The following GABRB1 variants were observed in gnomAD, a reference collection of about 807,000 sequenced individuals.
The protein encoded by GABRB1 is gamma-aminobutyric acid type A receptor subunit beta1.
Under a neutral mutation model 51.6 loss-of-function variants are expected in GABRB1, and 17 were observed. That is an observed-to-expected ratio of 0.33 (90% confidence interval 0.23 to 0.49). GABRB1 has a LOEUF of 0.49. Ranked by LOEUF, GABRB1 falls within the 20% of genes least tolerant of loss-of-function variation. The probability of loss-of-function intolerance (pLI) is 0.99; values close to 1 mark genes in which losing one functional copy is unlikely to be tolerated. For synonymous variants in GABRB1, 247 were observed against 218.9 expected (o/e 1.13, Z -1.14); for missense variants, 410 against 600.6 (o/e 0.68, Z 3.32).
upstream of GABRB1, among the ~76,000 whole-genome samples, chr4:47,026,888 A>AT (rs1725112083): frequency 6.6e-6 from 1 of 152,044 alleles, no homozygotes; most frequent in Non-Finnish European, 1.5e-5. Flanking sequence ...AAAGAATGTA[A>AT]ACTGTCATTA....
At chr4:47,188,412 G>A (rs1261154342) in intron 4 of GABRB1, among the ~76,000 whole-genome samples, 1 of 151,690 alleles carries the variant, frequency 6.6e-6, no homozygotes, top group Non-Finnish European at 1.5e-5. Context: ...ATATGTTTTG[G>A]GTTGATTTTT....
At chr4:47,320,335 G>A (rs1303551338) in intron 5 of GABRB1, 126 bp downstream of exon 5, 4 of 688,238 alleles carry the variant, frequency 5.8e-6, no homozygotes, top group Non-Finnish European at 1.0e-5. Flanking sequence ...TTTTCAAAGG[G>A]TTTATATTGG....
intron 5 of GABRB1, among the ~76,000 whole-genome samples, chr4:47,339,852 CACA>C (rs1560340922): frequency 1.3e-5 from 2 of 151,868 alleles, no homozygotes; most frequent in African/African-American, 4.8e-5. Flanking sequence ...CACACACACA[CACA>C]CCCCACTTTG....
intron 5 of GABRB1, among the ~76,000 whole-genome samples, chr4:47,377,794 C>T (rs1430117753): frequency 6.6e-6 from 1 of 152,116 alleles, no homozygotes; most frequent in Non-Finnish European, 1.5e-5. Context: ...AAGTCCCCAC[C>T]AGAGTAGCTA....
chr4:47,333,651 G>T (rs1725585373), intron 5 of GABRB1, among the ~76,000 whole-genome samples: 1 of 152,138 alleles, frequency 6.6e-6, no homozygotes, highest in African/African-American at 2.4e-5. Flanking sequence ...GGAAATGGAG[G>T]TTGCAGTGAG....
chr4:47,009,310 T>C (rs967396627), intron 1 of GABRB1, among the ~76,000 whole-genome samples: 1 of 151,758 alleles, frequency 6.6e-6, no homozygotes, highest in Non-Finnish European at 1.5e-5. Context: ...AACATCACAT[T>C]TACCACACAA....
Position 47,078,400 on chromosome 4 carries a change from C to T in GABRB1, c.240+45916C>T, listed in dbSNP as rs148866070. ...CCTTTATATGTTTCACTTAACCCCA[C>T]GTCCTTTCCATCCAAAATGTCACCT... On this transcript the variant is annotated intron_variant, in intron 3 of 8. Transcript: ENST00000295454. Among the ~76,000 whole-genome samples the T allele has an allele frequency of 2.8e-3, 426 of 152,268 alleles. 1 individual carries two copies. The highest frequency in any genetic ancestry group is 9.6e-3 in the African/African-American group (398 of 41,556).
At chr4:47,203,346 C>T (rs1399385663) in intron 4 of GABRB1, among the ~76,000 whole-genome samples, 1 of 152,126 alleles carries the variant, frequency 6.6e-6, no homozygotes, top group Non-Finnish European at 1.5e-5. Context: ...TGATGTTTCA[C>T]ATTCATCGGT....
intron 8 of GABRB1, among the ~76,000 whole-genome samples, chr4:47,410,593 C>A (rs966018863): frequency 1.3e-5 from 2 of 152,148 alleles, no homozygotes; most frequent in Non-Finnish European, 2.9e-5. Flanking sequence ...AAGTGAGCCA[C>A]AACAGAAACT....
chr4:47,011,749 T>C (rs542899509), intron 1 of GABRB1, among the ~76,000 whole-genome samples: 2 of 152,318 alleles, frequency 1.3e-5, no homozygotes, highest in Admixed American at 6.5e-5. Flanking sequence ...ACTTCCCCTT[T>C]TCAAGCTTTA....
chr4:47,296,449 G>A (rs1245885523), intron 4 of GABRB1, among the ~76,000 whole-genome samples: 4 of 151,978 alleles, frequency 2.6e-5, no homozygotes, highest in Non-Finnish European at 5.9e-5. Flanking sequence ...AAAAGGCAGG[G>A]GTTGCAATCC....
intron 5 of GABRB1, among the ~76,000 whole-genome samples, chr4:47,398,559 G>C (rs4995571): frequency 1.3e-5 from 2 of 149,096 alleles, no homozygotes; most frequent in African/African-American, 2.5e-5. Context: ...CATATATATA[G>C]AGAGAGAGAG....
intron 4 of GABRB1, among the ~76,000 whole-genome samples, chr4:47,264,279 C>T (rs141552438): frequency 1.5e-4 from 23 of 152,260 alleles, no homozygotes; most frequent in Non-Finnish European, 2.8e-4. Flanking sequence ...AGCAACTATC[C>T]TTCCCCCACC....
chr4:47,039,724 T>C, intron 3 of GABRB1, among the ~76,000 whole-genome samples: 1 of 152,166 alleles, frequency 6.6e-6, no homozygotes, highest in East Asian at 1.9e-4. Flanking sequence ...CCTATATACA[T>C]TTCCACACAG....
At position 47,164,669 on chromosome 4, in the gene GABRB1, A is replaced by C. The variant is rs76364117; in HGVS notation, c.461+3200A>C. 7.8e-4 allele frequency among the ~76,000 whole-genome samples: 118 copies of C among 152,228 alleles called. 2 individuals carry two copies. In the East Asian group the frequency reaches 0.02, roughly 25 times the overall value. On this transcript the variant is annotated intron_variant, in intron 4 of 8. Coordinates refer to ENST00000295454, the MANE Select transcript of GABRB1 (RefSeq NM_000812.4). ...CAAAATCAATTTGTTGCTATATTCA[A>C]ACTCGGTAAGCTCAATATGAGATAC...
chr4:47,099,426 A>G (rs1050526769), intron 3 of GABRB1, among the ~76,000 whole-genome samples: 1 of 152,130 alleles, frequency 6.6e-6, no homozygotes, highest in Non-Finnish European at 1.5e-5. Flanking sequence ...GAATGCCCCA[A>G]AGGCAAGGTA....
chr4:47,175,440 G>C (rs1310051295), intron 4 of GABRB1, among the ~76,000 whole-genome samples: 2 of 151,996 alleles, frequency 1.3e-5, no homozygotes, highest in Admixed American at 1.3e-4. Context: ...TAAGCAAATG[G>C]TAAGTGGTTA....
In GABRB1 at chr4:47,329,846, G is replaced by A. The variant is rs768448432; in HGVS notation, c.544+9637G>A. ...GATAAGATATATATCTATATATAGA[G>A]AGCGAGTGAGAAATAAGAAAGAGAG... On this transcript the variant is annotated intron_variant, in intron 5 of 8. Coordinates refer to ENST00000295454, the MANE Select transcript of GABRB1 (RefSeq NM_000812.4). Among the ~76,000 whole-genome samples, 12 of 151,786 alleles carry A rather than the reference G, an allele frequency of 7.9e-5. No homozygotes were observed. In the East Asian group the frequency reaches 2.3e-3, roughly 29 times the overall value.
chr4:47,386,777 C>G (rs753147078), intron 5 of GABRB1, among the ~76,000 whole-genome samples: 24 of 152,130 alleles, frequency 1.6e-4, no homozygotes, highest in Non-Finnish European at 2.9e-4. Flanking sequence ...GAAATTGAAG[C>G]ATTCTGGGCA....
Sources: allele counts gnomAD v4.1 joint callset (sites outside exome capture counted in the v4.1 genomes callset), GRCh38; gene constraint gnomAD v4.1.1; transcripts MANE v1.5; gene names NCBI Gene and HGNC (gene_info 2026-07-23, HGNC 2026-07-21).